ADCY8: variants seen among roughly 807,000 people sequenced by gnomAD.
ADCY8 encodes the protein adenylate cyclase type 8.
A neutral mutation model predicts 119.7 loss-of-function variants in ADCY8; 51 were observed. The ratio of observed to expected loss-of-function variants is 0.43; its 90% CI spans 0.34 to 0.54. ADCY8 has a LOEUF of 0.54. ADCY8 is among the 20% of genes least tolerant of loss of function. ADCY8 has a pLI of 0.03. For missense variants in ADCY8, 1,383 were observed against 1,598.8 expected (o/e 0.87, Z 2.30); for synonymous variants, 665 against 651.0 (o/e 1.02, Z -0.33).
rs1325170432 is a variant in ADCY8, at chr8:130,864,657, G to A, written c.2210+3189C>T. On this transcript the variant is annotated intron_variant, in intron 9 of 17. Coordinates refer to ENST00000286355, the MANE Select transcript of ADCY8 (RefSeq NM_001115.3). ...TGAGCCTACTATTGAGCCCATTGAA[G>A]GCATTCATTATTTCTGTTAGGTGTT... is the stretch of plus-strand genomic sequence containing the variant. Among the ~76,000 whole-genome samples the A allele has an allele frequency of 3.3e-5, 5 of 152,076 alleles. No individual in the cohort carries two copies. In the South Asian group the frequency reaches 8.3e-4, roughly 25 times the overall value.
intron 1 of ADCY8, among the ~76,000 whole-genome samples, chr8:131,000,020 G>C (rs1276172885): frequency 6.6e-6 from 1 of 152,206 alleles, no homozygotes; most frequent in African/African-American, 2.4e-5. Flanking sequence ...TACTTTAATT[G>C]AGTTTATATT....
At chr8:130,888,654 T>C (rs1174967020) in intron 7 of ADCY8, among the ~76,000 whole-genome samples, 1 of 152,134 alleles carries the variant, frequency 6.6e-6, no homozygotes, top group Non-Finnish European at 1.5e-5. Flanking sequence ...GATAGGATCT[T>C]GCTTGACAGT....
chr8:130,995,912 G>A (rs1206373470), intron 1 of ADCY8, among the ~76,000 whole-genome samples: 1 of 152,044 alleles, frequency 6.6e-6, no homozygotes, highest in Non-Finnish European at 1.5e-5. Flanking sequence ...AGCCATTAAT[G>A]GACAACTAGC....
chr8:131,008,660 C>G (rs1483705824), intron 1 of ADCY8, among the ~76,000 whole-genome samples: 1 of 152,072 alleles, frequency 6.6e-6, no homozygotes, highest in Non-Finnish European at 1.5e-5. Context: ...TAAGAGTACT[C>G]AAAAATGTGG....
intron 1 of ADCY8, among the ~76,000 whole-genome samples, chr8:130,992,849 G>T (rs1822643961): frequency 6.6e-6 from 1 of 152,110 alleles, no homozygotes; most frequent in South Asian, 2.1e-4. Flanking sequence ...TTTGTTTAAA[G>T]ATATAATGCA....
intron 8 of ADCY8, among the ~76,000 whole-genome samples, chr8:130,879,932 C>A (rs1483412536): frequency 6.6e-6 from 1 of 152,058 alleles, no homozygotes; most frequent in Non-Finnish European, 1.5e-5. Context: ...GGGAGGGACC[C>A]AGTGGGGCGA....
chr8:130,941,118 A>G (rs1234326616), intron 4 of ADCY8, among the ~76,000 whole-genome samples: 2 of 152,236 alleles, frequency 1.3e-5, no homozygotes, highest in African/African-American at 4.8e-5. Flanking sequence ...ACTTTATAGT[A>G]TTTTATCTAA....
chr8:131,003,769 T>C (rs921528175), intron 1 of ADCY8, among the ~76,000 whole-genome samples: 6 of 152,146 alleles, frequency 3.9e-5, no homozygotes, highest in Non-Finnish European at 7.4e-5. Context: ...TGGAGAGTTC[T>C]GGGAAGACAA....
intron 7 of ADCY8, among the ~76,000 whole-genome samples, chr8:130,894,392 C>T (rs10956558): frequency 6.6e-6 from 1 of 151,482 alleles, no homozygotes; most frequent in Non-Finnish European, 1.5e-5. Context: ...CAGGCTTATC[C>T]CTTATCAGTG....
intron 9 of ADCY8, among the ~76,000 whole-genome samples, chr8:130,851,458 G>T (rs1817525473): frequency 6.6e-6 from 1 of 152,130 alleles, no homozygotes; most frequent in Non-Finnish European, 1.5e-5. Flanking sequence ...GGAGTGACCA[G>T]TGTCTTCAGA....
In ADCY8 at chr8:130,840,346, G is replaced by A. The variant is rs1387811335; in HGVS notation, c.2503-3897C>T. ...AATACAAGTAAAGACAGAAGATACA[G>A]AGACTAACATTGAGAGCCTACCATG... On this transcript the variant is annotated intron_variant, in intron 11 of 17. Transcript: ENST00000286355. Among the ~76,000 whole-genome samples the A allele has an allele frequency of 2.9e-5, 4 of 138,122 alleles. 2 individuals carry two copies. Among genetic ancestry groups the A allele is most frequent in the Non-Finnish European group, 6.5e-5 (4 of 61,260 alleles). 90.6% of individuals were successfully genotyped at this position (138,122 alleles called of 152,430 possible).
intron 11 of ADCY8, among the ~76,000 whole-genome samples, chr8:130,845,537 T>A (rs1817269427): frequency 6.6e-6 from 1 of 152,154 alleles, no homozygotes; most frequent in African/African-American, 2.4e-5. Flanking sequence ...GCTCTGACCA[T>A]CCAATTCTGG....
intron 2 of ADCY8, among the ~76,000 whole-genome samples, chr8:130,973,146 A>G (rs1821972943): frequency 6.6e-6 from 1 of 152,220 alleles, no homozygotes; most frequent in Non-Finnish European, 1.5e-5. Flanking sequence ...ATAAGCCTGT[A>G]GGTACGTGTG....
intron 2 of ADCY8, among the ~76,000 whole-genome samples, chr8:130,986,459 A>G (rs1195076419): frequency 1.3e-5 from 2 of 152,236 alleles, no homozygotes; most frequent in African/African-American, 4.8e-5. Context: ...ACTAGTCTTT[A>G]GAGATTGTGG....
At chr8:130,949,078 T>G (rs1357448684) in intron 3 of ADCY8, among the ~76,000 whole-genome samples, 2 of 151,982 alleles carry the variant, frequency 1.3e-5, no homozygotes, top group African/African-American at 4.8e-5. Flanking sequence ...AACGAAATTT[T>G]AATGTACTGT....
chr8:130,812,626 C>A (rs141014035), intron 14 of ADCY8, among the ~76,000 whole-genome samples: 512 of 152,326 alleles, frequency 3.4e-3, no homozygotes, highest in African/African-American at 0.012. Flanking sequence ...GAGAGATTCT[C>A]CCCCAGACCC....
intron 12 of ADCY8, among the ~76,000 whole-genome samples, chr8:130,829,646 A>G (rs778507801): frequency 6.6e-6 from 1 of 152,234 alleles, no homozygotes; most frequent in Non-Finnish European, 1.5e-5. Flanking sequence ...TAAAAAGAAT[A>G]GTTGGTTGTT....
At chr8:130,860,317 C>A (rs1382467179) in intron 9 of ADCY8, among the ~76,000 whole-genome samples, 1 of 152,162 alleles carries the variant, frequency 6.6e-6, no homozygotes, top group Non-Finnish European at 1.5e-5. Context: ...TTCCCAGACA[C>A]ATGTTTTACA....
chr8:130,869,494 TTTTTA>T (rs1347722511), intron 8 of ADCY8, among the ~76,000 whole-genome samples: 1 of 149,478 alleles, frequency 6.7e-6, no homozygotes, highest in Non-Finnish European at 1.5e-5. Flanking sequence ...TACTGTTTTT[TTTTTA>T]TTTTGTTTAT....
Sources: allele counts gnomAD v4.1 joint callset (sites outside exome capture counted in the v4.1 genomes callset), GRCh38; gene constraint gnomAD v4.1.1; transcripts MANE v1.5; gene names NCBI Gene and HGNC (gene_info 2026-07-23, HGNC 2026-07-21).